LRCH1: variants seen among roughly 807,000 people sequenced by gnomAD.
The protein encoded by LRCH1 is leucine-rich repeat and calponin homology domain-containing protein 1.
Under a neutral mutation model 94.9 loss-of-function variants are expected in LRCH1, and 23 were observed. The ratio of observed to expected loss-of-function variants is 0.24; its 90% CI spans 0.17 to 0.34. The LOEUF is 0.34. Among genes scored for constraint, LRCH1 ranks in the 10% least tolerant of loss-of-function variants. LRCH1 has a pLI of 1.00. For missense variants in LRCH1, 790 were observed against 945.9 expected (o/e 0.84, Z 2.16); for synonymous variants, 364 against 354.9 (o/e 1.03, Z -0.29).
chr13:46,656,637 A>G (rs2051372491), intron 2 of LRCH1, among the ~76,000 whole-genome samples: 1 of 152,236 alleles, frequency 6.6e-6, no homozygotes, highest in African/African-American at 2.4e-5. Context: ...AGGATAGCAG[A>G]GTTGGAAGAG....
chr13:46,650,342 T>C lies in LRCH1; in HGVS notation c.449T>C (p.Leu150Ser). 6.3e-7 allele frequency: 1 copy of C among 1,589,814 alleles called. No individual in the cohort carries two copies. The highest frequency in any genetic ancestry group is 8.6e-7 in the Non-Finnish European group (1 of 1,168,780). The change falls in exon 2 of 20, where the codon TTG (leucine) becomes TCG (serine). Residue 150 changes from leucine to serine, a missense_variant. Leu to Ser is a moderately radical substitution (Grantham distance 145). Transcript: ENST00000389797. ...VNLQMLTYLNLSRNQLSALPA... is the reference protein window; with the variant it reads ...VNLQMLTYLNSSRNQLSALPA... ...CTGCAGATGCTGACTTACCTGAACT[T>C]GAGGTAGGTTAAACATAAAAGTTGT...
intron 2 of LRCH1, among the ~76,000 whole-genome samples, chr13:46,664,643 CGT>C (rs1555279898): frequency 6.6e-6 from 1 of 152,154 alleles, no homozygotes; most frequent in Non-Finnish European, 1.5e-5. Flanking sequence ...TTAAGCAACA[CGT>C]GGCTGTAAAA....
At chr13:46,608,032 C>T (rs995609628) in intron 1 of LRCH1, among the ~76,000 whole-genome samples, 3 of 152,158 alleles carry the variant, frequency 2.0e-5, no homozygotes, top group African/African-American at 7.2e-5. Context: ...ACCTTCTGAT[C>T]AAAGCAGGAG....
intron 1 of LRCH1, among the ~76,000 whole-genome samples, chr13:46,575,959 G>C (rs574631551): frequency 1.4e-3 from 212 of 152,288 alleles, no homozygotes; most frequent in African/African-American, 4.9e-3. Flanking sequence ...ATATAAAATA[G>C]TACATCATCT....
At chr13:46,727,076 A>G (rs1872858554) in intron 17 of LRCH1, among the ~76,000 whole-genome samples, 1 of 152,230 alleles carries the variant, frequency 6.6e-6, no homozygotes, top group African/African-American at 2.4e-5. Context: ...GATATTTTTA[A>G]ACCAGCCATG....
At chr13:46,607,334 A>G (rs2050698540) in intron 1 of LRCH1, among the ~76,000 whole-genome samples, 1 of 152,234 alleles carries the variant, frequency 6.6e-6, no homozygotes, top group South Asian at 2.1e-4. Flanking sequence ...ACCTGTTGGA[A>G]GGGGTCTCTT....
chr13:46,694,744 C>G (rs1345231264), intron 8 of LRCH1, 149 bp from the exon 9 acceptor site: 2 of 735,570 alleles, frequency 2.7e-6, no homozygotes, highest in African/African-American at 3.5e-5. Context: ...TTCCTCCCTG[C>G]AGGGAAGAGA....
At chr13:46,676,626 C>A (rs957102130) in intron 3 of LRCH1, among the ~76,000 whole-genome samples, 1 of 152,092 alleles carries the variant, frequency 6.6e-6, no homozygotes, top group Non-Finnish European at 1.5e-5. Flanking sequence ...TAGATTCTTA[C>A]AAAAATACAT....
chr13:46,705,547 T>TA, intron 13 of LRCH1: 1 of 641,952 alleles, frequency 1.6e-6, no homozygotes, highest in East Asian at 2.8e-5. Flanking sequence ...TTCTGTAGAT[T>TA]TTTTTACCTC....
chr13:46,610,098 A>C (rs1376482811), intron 1 of LRCH1, among the ~76,000 whole-genome samples: 1 of 152,208 alleles, frequency 6.6e-6, no homozygotes, highest in East Asian at 1.9e-4. Flanking sequence ...AAATGAAAAG[A>C]AAGAGAAGGG....
chr13:46,634,407 C>T (rs1405945631), intron 1 of LRCH1, among the ~76,000 whole-genome samples: 1 of 152,210 alleles, frequency 6.6e-6, no homozygotes, highest in Non-Finnish European at 1.5e-5. Context: ...ACCATGGCCT[C>T]TAGAGCTGGC....
intron 1 of LRCH1, among the ~76,000 whole-genome samples, chr13:46,626,167 TG>T (rs1276405853): frequency 6.6e-6 from 1 of 152,192 alleles, no homozygotes; most frequent in East Asian, 1.9e-4. Flanking sequence ...ATATTAGACT[TG>T]ATTTTCATCA....
chr13:46,750,667 T>A (rs4942573), exon 19 of LRCH1: 2 of 1,502,838 alleles, frequency 1.3e-6, no homozygotes, highest in South Asian at 2.4e-5. Context: ...CCCTTCTCCA[T>A]TGGGGGCTCA....
intron 1 of LRCH1, among the ~76,000 whole-genome samples, chr13:46,634,214 A>C (rs977066572): frequency 6.6e-6 from 1 of 152,146 alleles, no homozygotes; most frequent in African/African-American, 2.4e-5. Context: ...GCACGTTTCC[A>C]GTCATTCATC....
rs570684215 is a variant in LRCH1, at chr13:46,623,031, G to A, written c.308-27170G>A. 2.6e-5 allele frequency among the ~76,000 whole-genome samples: 4 copies of A among 152,232 alleles called. No individual in the cohort carries two copies. In the South Asian group the frequency reaches 8.3e-4, roughly 32 times the overall value. ...CTGGCACATGTCCCAGAGTAAGCTG[G>A]GCTGGAAGCTTTTAGTGTAGTTAAA... On this transcript the variant is annotated intron_variant, in intron 1 of 19. Transcript: ENST00000389797.
At chr13:46,560,140 C>CATATATATATATATATATATATAT (rs58876595) in intron 1 of LRCH1, among the ~76,000 whole-genome samples, 4,401 of 133,548 alleles carry the variant, frequency 0.033, 140 homozygotes, top group Admixed American at 0.05. Context: ...TCTGTTCCCC[C>CATATATATATATATATATATATAT]ATATATATAG....
At chr13:46,724,281 T>G (rs549243736) in intron 17 of LRCH1, among the ~76,000 whole-genome samples, 1 of 152,228 alleles carries the variant, frequency 6.6e-6, no homozygotes, top group Non-Finnish European at 1.5e-5. Flanking sequence ...TGATCATAGC[T>G]GACTGCAGCC....
At chr13:46,672,430 G>C (rs1191987204) in intron 3 of LRCH1, among the ~76,000 whole-genome samples, 1 of 151,830 alleles carries the variant, frequency 6.6e-6, no homozygotes, top group East Asian at 1.9e-4. Flanking sequence ...ACGTGCTTCT[G>C]TCCCATGAAC....
chr13:46,636,915 T>C lies in LRCH1; in HGVS notation c.308-13286T>C, dbSNP rs142478372. On this transcript the variant is annotated intron_variant, in intron 1 of 19. Transcript: ENST00000389797. ...TCTCTAATCTTCACTCACTCCTCTTTAGAGTTGATGTCTTTCCATGCCATT... is the reference window on the plus strand; with the variant it reads ...TCTCTAATCTTCACTCACTCCTCTTCAGAGTTGATGTCTTTCCATGCCATT... Among the ~76,000 whole-genome samples the C allele has an allele frequency of 4.1e-3, 626 of 152,342 alleles. 3 individuals are homozygous for C. The highest frequency in any genetic ancestry group is 0.015 in the African/African-American group (609 of 41,572).
Sources: gnomAD v4.1 joint callset for allele counts (sites outside exome capture counted in the v4.1 genomes callset) on GRCh38, gnomAD v4.1.1 for gene constraint, MANE v1.5 for transcripts, NCBI Gene and HGNC (gene_info 2026-07-23, HGNC 2026-07-21) for gene names.